Variants in CSMD3 observed in about 807,000 individuals in gnomAD.
CSMD3 encodes the protein CUB and Sushi multiple domains 3.
Under a neutral mutation model 435.2 loss-of-function variants are expected in CSMD3, and 177 were observed. The ratio of observed to expected loss-of-function variants is 0.41; its 90% CI spans 0.36 to 0.46. The LOEUF (loss-of-function observed/expected upper bound fraction) is 0.46. Ranked by LOEUF, CSMD3 falls within the 20% of genes least tolerant of loss-of-function variation. The probability of loss-of-function intolerance (pLI) is 0.34; values close to 1 mark genes in which losing one functional copy is unlikely to be tolerated. For missense variants in CSMD3, 4,265 were observed against 4,504.6 expected, an observed-to-expected ratio of 0.95 and a Z score of 1.52; for synonymous variants, 1,656 against 1,520.5, an observed-to-expected ratio of 1.09 and a Z score of -2.07.
chr8:112,993,317 A>G (rs988435527), intron 6 of CSMD3, among the ~76,000 whole-genome samples: 2 of 151,802 alleles, frequency 1.3e-5, no homozygotes, highest in African/African-American at 4.8e-5. Flanking sequence ...TGACCCTTTA[A>G]GCTGGAAAAG....
chr8:113,391,653 A>G (rs1180320323), intron 1 of CSMD3, among the ~76,000 whole-genome samples: 1 of 152,054 alleles, frequency 6.6e-6, no homozygotes, highest in Non-Finnish European at 1.5e-5. Context: ...AGGACCTACT[A>G]TGAATGTCAG....
chr8:113,045,857 G>GT (rs935120166), intron 5 of CSMD3, among the ~76,000 whole-genome samples: 29 of 149,068 alleles, frequency 1.9e-4, no homozygotes, highest in African/African-American at 6.5e-4. Context: ...TAAATACTAA[G>GT]TTTTTTTCCT....
chr8:113,346,362 G>A (rs915941940), intron 1 of CSMD3, among the ~76,000 whole-genome samples: 23 of 151,894 alleles, frequency 1.5e-4, no homozygotes, highest in African/African-American at 5.1e-4. Context: ...AACCATAAAT[G>A]TAAGATGAAT....
intron 38 of CSMD3, among the ~76,000 whole-genome samples, chr8:112,376,823 T>C (rs1289880235): frequency 3.9e-5 from 6 of 152,194 alleles, no homozygotes; most frequent in Non-Finnish European, 8.8e-5. Context: ...TCAGGATCTA[T>C]ACTCAGTGTT....
chr8:113,356,141 TAAAA>T (rs1340651061), intron 1 of CSMD3, among the ~76,000 whole-genome samples: 1 of 152,042 alleles, frequency 6.6e-6, no homozygotes, highest in Non-Finnish European at 1.5e-5. Flanking sequence ...ATATACCACT[TAAAA>T]AAACTATAGA....
intron 3 of CSMD3, among the ~76,000 whole-genome samples, chr8:113,185,718 G>GGT (rs144207386): frequency 4.6e-5 from 7 of 151,738 alleles, no homozygotes; most frequent in Admixed American, 2.6e-4. Flanking sequence ...TGTATATTTT[G>GGT]GTGTGTGTGT....
rs2094390545 is a variant in CSMD3 at position 113,377,135 on chromosome 8, C to T, written c.178+59542G>A. On this transcript the variant is annotated intron_variant, in intron 1 of 70. Transcript: ENST00000297405. ...GGCGTCGTCCGGCTCTCCGGTCCTCCAAAGGGCCGAGGGGTGTACGCCCCG... is the reference window on the plus strand; with the variant it reads ...GGCGTCGTCCGGCTCTCCGGTCCTCTAAAGGGCCGAGGGGTGTACGCCCCG... 7.9e-6 allele frequency: 10 copies of T among 1,258,192 alleles called. No individual in the cohort carries two copies. In the South Asian group the frequency reaches 1.2e-4, roughly 15 times the overall value. 77.9% of individuals were successfully genotyped at this position (1,258,192 alleles called of 1,614,324 possible). A position where few individuals can be genotyped will look rare whatever the true frequency, so the allele number is the denominator to read the frequency against.
chr8:112,329,057 T>G (rs983836460), intron 45 of CSMD3, among the ~76,000 whole-genome samples: 1 of 152,270 alleles, frequency 6.6e-6, no homozygotes, highest in African/African-American at 2.4e-5. Context: ...GTAAGAACAT[T>G]TCAATATCTG....
At chr8:112,235,303 G>C (rs1487327510) in intron 67 of CSMD3, among the ~76,000 whole-genome samples, 2 of 152,094 alleles carry the variant, frequency 1.3e-5, no homozygotes, top group South Asian at 2.1e-4. Context: ...AGGATGGCTT[G>C]AGCCCAGGAG....
chr8:112,383,802 G>A, intron 36 of CSMD3, 139 bp from the exon 37 acceptor site: 1 of 681,840 alleles, frequency 1.5e-6, no homozygotes, highest in East Asian at 2.7e-5. Context: ...GTTTTTAACA[G>A]AACTGATTTT....
At chr8:112,987,205 G>T (rs536315449) in intron 6 of CSMD3, among the ~76,000 whole-genome samples, 1 of 152,078 alleles carries the variant, frequency 6.6e-6, no homozygotes, top group Admixed American at 6.6e-5. Flanking sequence ...TATCCACCCA[G>T]ATAATTTTGC....
intron 9 of CSMD3, among the ~76,000 whole-genome samples, chr8:112,941,981 A>G (rs1018777455): frequency 6.6e-6 from 1 of 151,704 alleles, no homozygotes; most frequent in Admixed American, 6.6e-5. Context: ...TAATTACATT[A>G]GGGTTCACTC....
At chr8:112,837,014 T>C (rs963027571) in intron 11 of CSMD3, among the ~76,000 whole-genome samples, 4 of 151,808 alleles carry the variant, frequency 2.6e-5, no homozygotes, top group African/African-American at 4.8e-5. Flanking sequence ...TTTCCGTGCA[T>C]CCCAAATACC....
intron 6 of CSMD3, among the ~76,000 whole-genome samples, chr8:112,979,739 A>C (rs2130955422): frequency 6.6e-6 from 1 of 151,570 alleles, no homozygotes. Flanking sequence ...ACGTACATTC[A>C]GAAAACTTTC....
At chr8:112,545,498 A>ATAAT (rs1304263865) in intron 27 of CSMD3, among the ~76,000 whole-genome samples, 3 of 141,202 alleles carry the variant, frequency 2.1e-5, no homozygotes, top group African/African-American at 8.1e-5. Context: ...AAAAAAAAAA[A>ATAAT]AAAAATAATA....
At chr8:112,894,814 A>G (rs2081902840) in intron 10 of CSMD3, among the ~76,000 whole-genome samples, 2 of 151,326 alleles carry the variant, frequency 1.3e-5, no homozygotes, top group Admixed American at 1.3e-4. Flanking sequence ...AGGAGTTTAT[A>G]ATTTAGCTGG....
chr8:113,392,701 T>C (rs1365517300), intron 1 of CSMD3, among the ~76,000 whole-genome samples: 2 of 152,066 alleles, frequency 1.3e-5, no homozygotes, highest in Admixed American at 6.6e-5. Context: ...CTTATCACTG[T>C]AATGATTTAT....
chr8:112,818,058 T>C (rs1338253346), intron 12 of CSMD3, among the ~76,000 whole-genome samples: 1 of 151,656 alleles, frequency 6.6e-6, no homozygotes, highest in Non-Finnish European at 1.5e-5. Flanking sequence ...TTTGCAGGAG[T>C]ATTTTAGCTA....
intron 14 of CSMD3, among the ~76,000 whole-genome samples, chr8:112,687,150 T>G (rs116160729): frequency 0.014 from 2,100 of 152,076 alleles, 48 homozygotes; most frequent in African/African-American, 0.048. Context: ...TTAAAGTTAT[T>G]TTGACGTTAT....
Sources: gnomAD v4.1 joint callset for allele counts (sites outside exome capture counted in the v4.1 genomes callset) on GRCh38, gnomAD v4.1.1 for gene constraint, MANE v1.5 for transcripts, NCBI Gene and HGNC (gene_info 2026-07-23, HGNC 2026-07-21) for gene names.